The following WDTC1 variants were observed in gnomAD, a reference collection of about 807,000 sequenced individuals.
WDTC1 encodes the protein WD and tetratricopeptide repeats 1.
Under a neutral mutation model 76.0 loss-of-function variants are expected in WDTC1, and 12 were observed. That is an observed-to-expected ratio of 0.16 (90% CI 0.10 to 0.26). The LOEUF (loss-of-function observed/expected upper bound fraction) is 0.26. WDTC1 is among the 10% of genes least tolerant of loss of function. WDTC1 has a pLI of 1.00. For synonymous variants in WDTC1, 326 were observed against 350.8 expected (o/e 0.93, Z 0.79); for missense variants, 511 against 908.8 (o/e 0.56, Z 5.63).
intron 3 of WDTC1, among the ~76,000 whole-genome samples, chr1:27,270,012 C>T (rs563084510): frequency 3.9e-5 from 6 of 152,064 alleles, no homozygotes; most frequent in African/African-American, 1.2e-4. Flanking sequence ...TCATGGCTCA[C>T]GATAGCCTTG....
intron 1 of WDTC1, among the ~76,000 whole-genome samples, chr1:27,246,235 A>G (rs2011826334): frequency 6.6e-6 from 1 of 152,208 alleles, no homozygotes; most frequent in Non-Finnish European, 1.5e-5. Flanking sequence ...CCCTTGAGCT[A>G]TCACATTCCT....
intron 1 of WDTC1, among the ~76,000 whole-genome samples, chr1:27,246,604 C>A (rs114698457): frequency 0.034 from 5,210 of 151,724 alleles, 129 homozygotes; most frequent in Middle Eastern, 0.048. Context: ...CTTTGTCACT[C>A]AGGCTGGAGT....
chr1:27,295,974 C>T (rs2013672561), intron 9 of WDTC1, among the ~76,000 whole-genome samples: 1 of 152,070 alleles, frequency 6.6e-6, no homozygotes, highest in Admixed American at 6.6e-5. Flanking sequence ...CCATGTTGCC[C>T]AAGCTGGTCT....
chr1:27,294,479 C>T, intron 8 of WDTC1, 35 bp from the exon 9 acceptor site: 1 of 1,587,352 alleles, frequency 6.3e-7, no homozygotes, highest in Middle Eastern at 1.7e-4. Flanking sequence ...TTGAAAGGGA[C>T]TGGGACCCTA....
intron 3 of WDTC1, among the ~76,000 whole-genome samples, chr1:27,263,833 G>A (rs2012565508): frequency 6.6e-6 from 1 of 151,958 alleles, no homozygotes; most frequent in Non-Finnish European, 1.5e-5. Context: ...TTTCCTACCC[G>A]TATACAGGAA....
chr1:27,239,517 CAAAAAAAAAAAA>C (rs1165446864), intron 1 of WDTC1, among the ~76,000 whole-genome samples: 5 of 40,568 alleles, frequency 1.2e-4, no homozygotes, highest in African/African-American at 5.1e-4. Flanking sequence ...GACCCTGTCT[CAAAAAAAAAAAA>C]AAAAAAAAAA....
intron 7 of WDTC1, 85 bp downstream of exon 7, chr1:27,292,482 C>T: frequency 3.0e-6 from 4 of 1,317,736 alleles, no homozygotes; most frequent in Non-Finnish European, 4.1e-6. Flanking sequence ...TTGCCATGCC[C>T]TCTTCTTCTA....
At chr1:27,248,292 C>T (rs1296438126) in intron 1 of WDTC1, among the ~76,000 whole-genome samples, 2 of 152,196 alleles carry the variant, frequency 1.3e-5, no homozygotes, top group Non-Finnish European at 2.9e-5. Context: ...GTTGCCTTTT[C>T]TCTGCAACCT....
chr1:27,302,862 G>A (rs1410432724), intron 13 of WDTC1, among the ~76,000 whole-genome samples: 4 of 152,302 alleles, frequency 2.6e-5, no homozygotes, highest in African/African-American at 9.6e-5. Context: ...GAGAAAACTT[G>A]TGTGACTTTA....
chr1:27,249,126 G>A (rs528312465), intron 1 of WDTC1, among the ~76,000 whole-genome samples: 2 of 151,934 alleles, frequency 1.3e-5, no homozygotes, highest in Non-Finnish European at 2.9e-5. Context: ...AAAATTAGCC[G>A]AGCATAATGG....
At chr1:27,287,997 T>A in intron 6 of WDTC1, 136 bp downstream of exon 6, 1 of 1,109,564 alleles carries the variant, frequency 9.0e-7, no homozygotes, top group Non-Finnish European at 1.3e-6. Flanking sequence ...GTTGTCTGTG[T>A]ACAAACTCCA....
intron 6 of WDTC1, among the ~76,000 whole-genome samples, chr1:27,289,106 C>CG (rs1557502161): frequency 7.0e-6 from 1 of 142,400 alleles, no homozygotes; most frequent in African/African-American, 2.6e-5. Flanking sequence ...CCCTCCTGGA[C>CG]GGGGCGGCTG....
chr1:27,253,337 C>CTTCTTCT lies in WDTC1; in HGVS notation c.-99-7596_-99-7590dup, dbSNP rs1168861607. Among the ~76,000 whole-genome samples the CTTCTTCT allele has an allele frequency of 5.1e-4, 77 of 151,256 alleles. 1 individual carries two copies. The highest frequency in any genetic ancestry group is 1.5e-3 in the South Asian group (7 of 4,796). On this transcript the variant is annotated intron_variant, in intron 1 of 15. Coordinates refer to ENST00000319394, the MANE Select transcript of WDTC1 (RefSeq NM_001276252.2). ...GCCGGCCTCCTCTCTGTTTCTGCTTCTTCTTCTTTCTTCTTTCTTCTTTCT... is the reference window on the plus strand; with the variant it reads ...GCCGGCCTCCTCTCTGTTTCTGCTTCTTCTTCTTTCTTCTTTCTTCTTTCTTCTTTCT...
In WDTC1 at chr1:27,305,300, T is replaced by C; in HGVS notation, c.1836+107T>C. ...AATGAGCCACCCAGAGGCTAGAAGC[T>C]GCTAAGTAAGCCTTACCCCGGGGCC... On this transcript the variant is annotated intron_variant, in intron 15 of 15. Coordinates refer to ENST00000319394, the MANE Select transcript of WDTC1 (RefSeq NM_001276252.2). This position sits in a 1 kb window ranked among gnomAD's most constrained non-coding sequence, Gnocchi z 4.6. 7.3e-7 allele frequency: 1 copy of C among 1,370,260 alleles called. No individual in the cohort carries two copies. The highest frequency in any genetic ancestry group is 9.7e-7 in the Non-Finnish European group (1 of 1,033,204). 84.9% of individuals were successfully genotyped at this position (1,370,260 alleles called of 1,614,324 possible).
At chr1:27,267,566 C>T (rs2012715177) in intron 3 of WDTC1, among the ~76,000 whole-genome samples, 1 of 152,068 alleles carries the variant, frequency 6.6e-6, no homozygotes, top group African/African-American at 2.4e-5. Flanking sequence ...CATTATTTTT[C>T]CCAGCTATGT....
chr1:27,278,889 C>T (rs185609817), intron 3 of WDTC1, among the ~76,000 whole-genome samples: 49 of 152,026 alleles, frequency 3.2e-4, no homozygotes, highest in Admixed American at 2.0e-3. Flanking sequence ...ATGGCAAAAC[C>T]CCGTCTCAAC....
intron 1 of WDTC1, among the ~76,000 whole-genome samples, chr1:27,237,890 A>AG (rs1282987346): frequency 1.3e-5 from 2 of 151,722 alleles, no homozygotes; most frequent in East Asian, 3.9e-4. Flanking sequence ...AGAAAAGAAA[A>AG]AAAAGAAAGA....
chr1:27,256,617 C>T (rs1315896204), intron 1 of WDTC1, among the ~76,000 whole-genome samples: 1 of 152,198 alleles, frequency 6.6e-6, no homozygotes, highest in Non-Finnish European at 1.5e-5. Context: ...ATACACTTTC[C>T]ACTACTGGAT....
Position 27,294,496 on chromosome 1 carries a change from C to T in WDTC1, c.758-18C>T. On this transcript the variant is annotated intron_variant, in intron 8 of 15. Coordinates refer to ENST00000319394, the MANE Select transcript of WDTC1 (RefSeq NM_001276252.2). ...GAAAGGGACTGGGACCCTAGTATGA[C>T]TGGGCTATTCCCTGCAGGTCACCTG... The T allele has an allele frequency of 6.2e-7, 1 of 1,611,030 alleles. No individual in the cohort carries two copies. The highest frequency in any genetic ancestry group is 1.1e-5 in the South Asian group (1 of 91,004).
Sources: allele counts gnomAD v4.1 joint callset (sites outside exome capture counted in the v4.1 genomes callset), GRCh38; gene constraint gnomAD v4.1.1; non-coding constraint Gnocchi (gnomAD v3.1); transcripts MANE v1.5; gene names NCBI Gene and HGNC (gene_info 2026-07-23, HGNC 2026-07-21).